The following CEP112 variants were observed in gnomAD, a reference collection of about 807,000 sequenced individuals.
CEP112 encodes the protein centrosomal protein 112.
In CEP112, 127 loss-of-function variants were observed where a neutral mutation model predicts 153.0. The observed-to-expected ratio is 0.83, with a 90% CI of 0.72 to 0.96. CEP112 has a LOEUF of 0.96. CEP112 is among the 40% of genes least tolerant of loss of function. The probability of loss-of-function intolerance (pLI) is 0.00; values close to 1 mark genes in which losing one functional copy is unlikely to be tolerated. For missense variants in CEP112, 1,089 were observed against 1,101.2 expected, an observed-to-expected ratio of 0.99 and a Z score of 0.16; for synonymous variants, 358 against 374.4, an observed-to-expected ratio of 0.96 and a Z score of 0.51.
At chr17:65,902,006 G>GGAAAAAAA in intron 20 of CEP112, 146 bp downstream of exon 20, 2 of 243,082 alleles carry the variant, frequency 8.2e-6, no homozygotes, top group Admixed American at 1.1e-4. Context: ...GGGTGGGGGG[G>GGAAAAAAA]AGAAAAACAA....
In CEP112 at chr17:65,893,139, T is replaced by A. The variant is rs1186184257; in HGVS notation, c.2163+9013A>T. 2.0e-5 allele frequency among the ~76,000 whole-genome samples: 3 copies of A among 152,072 alleles called. No homozygotes were observed. The East Asian group carries it at 5.8e-4, about 29-fold the overall frequency. On this transcript the variant is annotated intron_variant, in intron 20 of 26. Transcript: ENST00000535342. ...TCTGTTCACTGAAGGCTCTTCTGTA[T>A]CACAGAGCCACAGTTATCCAGTGAA...
chr17:65,666,644 T>G (rs925596621), intron 24 of CEP112, among the ~76,000 whole-genome samples: 5 of 152,234 alleles, frequency 3.3e-5, no homozygotes, highest in African/African-American at 1.2e-4. Flanking sequence ...AGAGCCACTT[T>G]AAAGCAAGTG....
chr17:65,842,897 T>G (rs1236153862), intron 21 of CEP112, among the ~76,000 whole-genome samples: 1 of 151,788 alleles, frequency 6.6e-6, no homozygotes, highest in Middle Eastern at 3.4e-3. Context: ...TTTTTTAAGG[T>G]TTTTTTTGGC....
At chr17:65,953,834 G>A (rs538001298) in intron 18 of CEP112, among the ~76,000 whole-genome samples, 1 of 152,276 alleles carries the variant, frequency 6.6e-6, no homozygotes, top group South Asian at 2.1e-4. Context: ...GCTCAGACAT[G>A]CCTATTGCTG....
intron 23 of CEP112, among the ~76,000 whole-genome samples, chr17:65,704,420 T>TACACACACAC (rs3074178): frequency 2.3e-3 from 340 of 147,788 alleles, no homozygotes; most frequent in East Asian, 9.9e-3. Flanking sequence ...ACGTGTAAAA[T>TACACACACAC]ACACACACAC....
chr17:65,908,958 G>C (rs915673579), intron 19 of CEP112, among the ~76,000 whole-genome samples: 3 of 152,188 alleles, frequency 2.0e-5, no homozygotes, highest in Non-Finnish European at 2.9e-5. Flanking sequence ...AGTCCCTAGG[G>C]ATCTTGGGAT....
At chr17:65,734,446 T>C (rs1368181316) in intron 23 of CEP112, among the ~76,000 whole-genome samples, 1 of 152,208 alleles carries the variant, frequency 6.6e-6, no homozygotes, top group African/African-American at 2.4e-5. Context: ...GTGGATTACA[T>C]CTACTGAGTT....
chr17:65,727,120 C>T (rs1489656512), intron 23 of CEP112, among the ~76,000 whole-genome samples: 1 of 152,214 alleles, frequency 6.6e-6, no homozygotes, highest in Admixed American at 6.5e-5. Flanking sequence ...GGGCACGAGC[C>T]TGCTGGTTTC....
intron 8 of CEP112, among the ~76,000 whole-genome samples, chr17:66,080,869 G>A (rs2067689216): frequency 6.6e-6 from 1 of 152,192 alleles, no homozygotes; most frequent in African/African-American, 2.4e-5. Context: ...GCAGGGACAT[G>A]GATGAAGCTA....
chr17:66,105,639 C>A, intron 6 of CEP112, among the ~76,000 whole-genome samples: 1 of 151,942 alleles, frequency 6.6e-6, no homozygotes, highest in Non-Finnish European at 1.5e-5. Flanking sequence ...ACAAAAATTC[C>A]AAAAATTAGC....
chr17:65,927,744 G>A, intron 18 of CEP112, 55 bp from the exon 19 acceptor site: 15 of 1,132,020 alleles, frequency 1.3e-5, no homozygotes, highest in Non-Finnish European at 1.8e-5. Flanking sequence ...TGTGTTCCAT[G>A]TTTTTGTAAT....
intron 21 of CEP112, among the ~76,000 whole-genome samples, chr17:65,821,104 A>C (rs2056509046): frequency 1.3e-5 from 1 of 75,688 alleles, no homozygotes; most frequent in African/African-American, 5.2e-5. Context: ...ATAATTTGTA[A>C]TACATTCTGA....
chr17:65,848,254 T>C (rs912927049), intron 21 of CEP112, among the ~76,000 whole-genome samples: 1 of 152,210 alleles, frequency 6.6e-6, no homozygotes, highest in African/African-American at 2.4e-5. Context: ...ACTTCCAGAC[T>C]TATCTTTTGA....
At chr17:65,992,441 G>T (rs1242543059) in intron 17 of CEP112, among the ~76,000 whole-genome samples, 2 of 152,096 alleles carry the variant, frequency 1.3e-5, no homozygotes, top group Non-Finnish European at 2.9e-5. Context: ...ATGTCAGTTT[G>T]TTGGAAAAAT....
intron 24 of CEP112, among the ~76,000 whole-genome samples, chr17:65,645,690 C>T (rs1313442486): frequency 2.0e-5 from 3 of 152,202 alleles, no homozygotes; most frequent in Non-Finnish European, 4.4e-5. Flanking sequence ...CTGTGAAGAG[C>T]TGTTATAAAG....
At chr17:66,016,860 T>A (rs1168887151) in intron 16 of CEP112, among the ~76,000 whole-genome samples, 1 of 152,150 alleles carries the variant, frequency 6.6e-6, no homozygotes, top group Admixed American at 6.5e-5. Flanking sequence ...TCTCTAAAAT[T>A]ATACGATGAT....
chr17:65,754,508 G>C (rs1263675478), intron 21 of CEP112, among the ~76,000 whole-genome samples: 2 of 152,082 alleles, frequency 1.3e-5, no homozygotes, highest in African/African-American at 4.8e-5. Context: ...ACTTGGGAGG[G>C]TGAAGCAAGA....
chr17:65,932,489 G>C (rs1391944980), intron 18 of CEP112, among the ~76,000 whole-genome samples: 2 of 152,170 alleles, frequency 1.3e-5, no homozygotes, highest in Non-Finnish European at 2.9e-5. Flanking sequence ...GGATGTATTA[G>C]TTTGTTCTTG....
At chr17:65,649,098 A>T (rs1567808511) in intron 24 of CEP112, among the ~76,000 whole-genome samples, 1 of 151,164 alleles carries the variant, frequency 6.6e-6, no homozygotes, top group Non-Finnish European at 1.5e-5. Flanking sequence ...ACACACACAC[A>T]CACACACACA....
Sources: gnomAD v4.1 joint callset for allele counts (sites outside exome capture counted in the v4.1 genomes callset) on GRCh38, gnomAD v4.1.1 for gene constraint, MANE v1.5 for transcripts, NCBI Gene and HGNC (gene_info 2026-07-23, HGNC 2026-07-21) for gene names.